Variants in GCFC2 observed in about 807,000 individuals in gnomAD.
GCFC2 encodes GC-rich sequence DNA-binding factor 2.
In GCFC2, 102 loss-of-function variants were observed where a neutral mutation model predicts 99.4. The ratio of observed to expected loss-of-function variants is 1.03; its 90% confidence interval spans 0.87 to 1.21. GCFC2 has a LOEUF of 1.21. GCFC2 is among the 50% of genes most tolerant of loss of function. The probability of loss-of-function intolerance (pLI) is 0.00; values close to 1 mark genes in which losing one functional copy is unlikely to be tolerated. For missense variants in GCFC2, 973 were observed against 920.9 expected (o/e 1.06, Z -0.73); for synonymous variants, 338 against 316.8 (o/e 1.07, Z -0.71).
intron 11 of GCFC2, among the ~76,000 whole-genome samples, chr2:75,686,862 T>G (rs1406000057): frequency 1.3e-5 from 2 of 152,168 alleles, no homozygotes; most frequent in Non-Finnish European, 2.9e-5. Flanking sequence ...AAAGACTTCA[T>G]GCTAAGGTCT....
intron 5 of GCFC2, among the ~76,000 whole-genome samples, chr2:75,695,584 G>A (rs1417231446): frequency 6.6e-6 from 1 of 152,108 alleles, no homozygotes; most frequent in Non-Finnish European, 1.5e-5. Context: ...ATGGGGATAG[G>A]TTCCAAGACC....
chr2:75,697,140 A>G (rs894326368), intron 4 of GCFC2, among the ~76,000 whole-genome samples: 5 of 152,112 alleles, frequency 3.3e-5, no homozygotes, highest in African/African-American at 4.8e-5. Flanking sequence ...CTCCTAACAT[A>G]TATCTTATAA....
intron 15 of GCFC2, among the ~76,000 whole-genome samples, chr2:75,667,649 C>G (rs976429050): frequency 6.6e-6 from 1 of 152,108 alleles, no homozygotes; most frequent in African/African-American, 2.4e-5. Flanking sequence ...ACTTGTTTTC[C>G]CCTTGTTTTG....
In GCFC2 at chr2:75,710,340, C is replaced by T. The variant is rs1373329195; in HGVS notation, c.265+251G>A. ...TGATGGAGTCAACTGATGGTGAAAA[C>T]GAAGAGCCTCCCAACTGTACACGAT... On this transcript the variant is annotated intron_variant, in intron 1 of 16. Transcript: ENST00000321027. 4 of 765,446 alleles carry T rather than the reference C, an allele frequency of 5.2e-6. No homozygotes were observed. In the African/African-American group the frequency reaches 7.4e-5, roughly 14 times the overall value. 47.4% of individuals were successfully genotyped at this position (765,446 alleles called of 1,614,324 possible). A position where few individuals can be genotyped will look rare whatever the true frequency, so the allele number is the denominator to read the frequency against.
chr2:75,678,356 A>G lies in GCFC2; in HGVS notation c.1812+1837T>C, dbSNP rs908279234. ...TATACCTTCTTTGAATACAAACAGC[A>G]TCTCTCTGTACATCTTTCAAATTAA... On this transcript the variant is annotated intron_variant, in intron 12 of 16. Transcript: ENST00000321027. 2.0e-5 allele frequency among the ~76,000 whole-genome samples: 3 copies of G among 152,196 alleles called. No individual in the cohort carries two copies. In the South Asian group the frequency reaches 6.2e-4, roughly 32 times the overall value.
At chr2:75,665,240 C>G (rs1196744870) in intron 16 of GCFC2, among the ~76,000 whole-genome samples, 1 of 152,008 alleles carries the variant, frequency 6.6e-6, no homozygotes, top group Admixed American at 6.6e-5. Flanking sequence ...CAGCCTCAAC[C>G]TCTCAGGCTC....
chr2:75,673,046 C>G (rs983441931), intron 13 of GCFC2, among the ~76,000 whole-genome samples: 20 of 152,206 alleles, frequency 1.3e-4, no homozygotes, highest in Admixed American at 4.6e-4. Flanking sequence ...CGCGGTGGCT[C>G]ACGCCTGTAA....
intron 11 of GCFC2, among the ~76,000 whole-genome samples, chr2:75,682,108 GCCT>G (rs1679606898): frequency 6.6e-6 from 1 of 151,914 alleles, no homozygotes; most frequent in South Asian, 2.1e-4. Context: ...GGGACACACT[GCCT>G]CCTCAAGTGG....
intron 1 of GCFC2, among the ~76,000 whole-genome samples, chr2:75,708,334 G>C (rs1437529437): frequency 6.6e-6 from 1 of 151,966 alleles, no homozygotes; most frequent in African/African-American, 2.4e-5. Flanking sequence ...ACAATAAAAT[G>C]CTCCAACATT....
Position 75,696,267 on chromosome 2 carries a change from T to C in GCFC2, c.766A>G (p.Lys256Glu). Reference sequence around the variant, plus strand: ...GGAAATGAAATGGAAGTATCAAATTTCTTCACTTTTGAAGATCCATTGCCA... The same window carrying C: ...GGAAATGAAATGGAAGTATCAAATTCCTTCACTTTTGAAGATCCATTGCCA... ...SCGNGSSKVKKFDTSISFPPV... is the reference protein window; with the variant it reads ...SCGNGSSKVKEFDTSISFPPV... Residue 256 changes from lysine (K) to glutamate (E), a missense_variant, in exon 5 of 17, where the codon AAA (lysine) becomes GAA (glutamate). Transcript: ENST00000321027. 6.5e-7 allele frequency: 1 copy of C among 1,526,734 alleles called. No individual in the cohort carries two copies. The highest frequency in any genetic ancestry group is 9.1e-7 in the Non-Finnish European group (1 of 1,101,656). 94.6% of individuals were successfully genotyped at this position (1,526,734 alleles called of 1,614,324 possible).
intron 2 of GCFC2, among the ~76,000 whole-genome samples, chr2:75,705,637 A>AAG (rs1680826766): frequency 6.7e-6 from 1 of 150,374 alleles, no homozygotes; most frequent in Non-Finnish European, 1.5e-5. Flanking sequence ...AAAAAAAAAA[A>AAG]GAAGCACAGA....
rs1304671369 is a variant in GCFC2, at chr2:75,663,338, T to A, written c.*1328A>T. The A allele has an allele frequency of 2.0e-5, 3 of 152,228 alleles. No individual in the cohort carries two copies. Among genetic ancestry groups the A allele is most frequent in the African/African-American group, 7.2e-5 (3 of 41,468 alleles). The allele number at this position is 152,228 out of a possible 1,614,324, so 9.4% of individuals were successfully genotyped here. ...CCCTTAAGTTATTTAATAAGTAGAC[T>A]TAGAAAAATTACTAGTAAACTAACA... On this transcript the variant is annotated 3_prime_UTR_variant, in exon 17 of 17. Transcript: ENST00000321027.
chr2:75,691,758 A>G (rs1381945671), intron 7 of GCFC2, among the ~76,000 whole-genome samples: 3 of 152,218 alleles, frequency 2.0e-5, no homozygotes, highest in Non-Finnish European at 2.9e-5. Context: ...TGTCTGAAAT[A>G]GTAAATAACT....
At chr2:75,704,805 C>A (rs1263046740) in intron 2 of GCFC2, among the ~76,000 whole-genome samples, 2 of 152,216 alleles carry the variant, frequency 1.3e-5, no homozygotes, top group Non-Finnish European at 2.9e-5. Flanking sequence ...TTGCCTCAGT[C>A]CCCTGAATTA....
intron 2 of GCFC2, 97 bp from the exon 3 acceptor site, chr2:75,702,520 ATT>A: frequency 2.2e-6 from 2 of 914,586 alleles, no homozygotes; most frequent in Non-Finnish European, 3.2e-6. Flanking sequence ...ATTTTCCTAA[ATT>A]ATTTGCTATT....
chr2:75,673,648 T>C (rs1443688841), intron 12 of GCFC2, 128 bp from the exon 13 acceptor site: 4 of 614,216 alleles, frequency 6.5e-6, no homozygotes, highest in Non-Finnish European at 1.2e-5. Context: ...TAACTATCAA[T>C]TGGGTACAAA....
intron 3 of GCFC2, 33 bp downstream of exon 3, chr2:75,702,165 AT>A (rs762950797): frequency 2.1e-5 from 33 of 1,584,488 alleles, no homozygotes; most frequent in Non-Finnish European, 2.7e-5. Context: ...CTAATAAAAA[AT>A]ATCCTAATCT....
At chr2:75,686,600 T>C (rs1394710653) in intron 11 of GCFC2, among the ~76,000 whole-genome samples, 1 of 152,026 alleles carries the variant, frequency 6.6e-6, no homozygotes, top group Non-Finnish European at 1.5e-5. Context: ...AAAAATTAGC[T>C]GGGTATGGTG....
At chr2:75,670,318 T>C in intron 14 of GCFC2, 34 bp from the exon 15 acceptor site, 2 of 1,460,570 alleles carry the variant, frequency 1.4e-6, no homozygotes, top group African/African-American at 1.4e-5. Flanking sequence ...ATGTACCTTT[T>C]CTCCAAAGAG....
Sources: gnomAD v4.1 joint callset for allele counts (sites outside exome capture counted in the v4.1 genomes callset) on GRCh38, gnomAD v4.1.1 for gene constraint, MANE v1.5 for transcripts, NCBI Gene and HGNC (gene_info 2026-07-23, HGNC 2026-07-21) for gene names.